Variants in DYNC1I1 observed in about 807,000 individuals in gnomAD.
DYNC1I1 encodes the protein dynein cytoplasmic 1 intermediate chain 1.
A neutral mutation model predicts 86.6 loss-of-function variants in DYNC1I1; 43 were observed. The observed-to-expected ratio is 0.50, with a 90% CI of 0.39 to 0.64. DYNC1I1 has a LOEUF of 0.64. DYNC1I1 is among the 30% of genes least tolerant of loss of function. The pLI is 0.00. For synonymous variants in DYNC1I1, 262 were observed against 283.7 expected (o/e 0.92, Z 0.77); for missense variants, 604 against 788.8 (o/e 0.77, Z 2.81).
intron 14 of DYNC1I1, among the ~76,000 whole-genome samples, chr7:96,075,746 C>A (rs1295987605): frequency 1.3e-5 from 2 of 152,128 alleles, no homozygotes; most frequent in Admixed American, 6.5e-5. Flanking sequence ...CGTTGCCGGG[C>A]GAGAATTCCG....
intron 10 of DYNC1I1, among the ~76,000 whole-genome samples, chr7:95,999,660 A>G (rs905901314): frequency 6.6e-6 from 1 of 152,128 alleles, no homozygotes; most frequent in Non-Finnish European, 1.5e-5. Flanking sequence ...GTGAAGAGTG[A>G]TGGTAACAGA....
intron 16 of DYNC1I1, among the ~76,000 whole-genome samples, chr7:96,105,974 A>T (rs1791208086): frequency 6.6e-6 from 1 of 152,208 alleles, no homozygotes. Flanking sequence ...CCTTTAATGT[A>T]CATAGAATCA....
intron 6 of DYNC1I1, among the ~76,000 whole-genome samples, chr7:95,891,857 G>T (rs1170449828): frequency 3.9e-5 from 6 of 152,086 alleles, no homozygotes; most frequent in African/African-American, 1.4e-4. Context: ...GTTCTGCCTG[G>T]TCTCTAGATG....
intron 5 of DYNC1I1, among the ~76,000 whole-genome samples, chr7:95,836,003 G>C (rs947080642): frequency 3.9e-5 from 6 of 152,116 alleles, no homozygotes; most frequent in African/African-American, 1.4e-4. Flanking sequence ...GTGTGAATTT[G>C]ATCCTGTCAT....
intron 6 of DYNC1I1, among the ~76,000 whole-genome samples, chr7:95,939,060 T>A (rs1213105176): frequency 6.6e-6 from 1 of 152,158 alleles, no homozygotes; most frequent in Non-Finnish European, 1.5e-5. Context: ...ATGCACCCAG[T>A]AGTCATTCAG....
chr7:96,019,484 A>T (rs529240460), intron 10 of DYNC1I1, among the ~76,000 whole-genome samples: 2 of 152,216 alleles, frequency 1.3e-5, no homozygotes, highest in African/African-American at 4.8e-5. Flanking sequence ...AGAAATTCTG[A>T]CTAAATTGGT....
intron 5 of DYNC1I1, among the ~76,000 whole-genome samples, chr7:95,850,503 T>C (rs1254101244): frequency 6.6e-6 from 1 of 151,642 alleles, no homozygotes; most frequent in Non-Finnish European, 1.5e-5. Flanking sequence ...CTCTCTTCTA[T>C]GTGGAGGATA....
chr7:95,929,797 A>G (rs1791844010), intron 6 of DYNC1I1, among the ~76,000 whole-genome samples: 1 of 152,194 alleles, frequency 6.6e-6, no homozygotes, highest in South Asian at 2.1e-4. Flanking sequence ...CTTTCATTTC[A>G]CATTATGTTT....
chr7:96,028,702 G>A (rs1475361948), intron 11 of DYNC1I1, among the ~76,000 whole-genome samples: 1 of 152,220 alleles, frequency 6.6e-6, no homozygotes, highest in Non-Finnish European at 1.5e-5. Context: ...ATCAAGGGAT[G>A]ATATATGGGA....
chr7:95,775,701 T>C (rs763788979), intron 1 of DYNC1I1, among the ~76,000 whole-genome samples: 1 of 152,226 alleles, frequency 6.6e-6, no homozygotes, highest in Non-Finnish European at 1.5e-5. Flanking sequence ...TTAATGAAAG[T>C]AGCTGTTATA....
chr7:96,103,289 A>G (rs1791163816), downstream of DYNC1I1, among the ~76,000 whole-genome samples: 1 of 152,122 alleles, frequency 6.6e-6, no homozygotes. Context: ...AAAGACAGTC[A>G]AGAGGGAAAG....
intron 8 of DYNC1I1, among the ~76,000 whole-genome samples, chr7:95,985,980 C>T (rs752286251): frequency 2.0e-5 from 3 of 150,342 alleles, no homozygotes; most frequent in Non-Finnish European, 4.4e-5. Flanking sequence ...TCCTATTTCC[C>T]TCTGTGTGCC....
chr7:95,855,277 C>T (rs1271163389), intron 5 of DYNC1I1, among the ~76,000 whole-genome samples: 1 of 152,154 alleles, frequency 6.6e-6, no homozygotes, highest in East Asian at 1.9e-4. Context: ...CCACTCTCTC[C>T]TGATCTGTAC....
At chr7:96,100,086 C>T (rs560121196), downstream of DYNC1I1, among the ~76,000 whole-genome samples, 1 of 152,174 alleles carries the variant, frequency 6.6e-6, no homozygotes, top group Non-Finnish European at 1.5e-5. Context: ...GGTTGAATGA[C>T]AGTTATGATG....
rs542381628 is a variant in DYNC1I1, at chr7:96,079,693, T to C, written c.1651-670T>C. 2.6e-5 allele frequency among the ~76,000 whole-genome samples: 4 copies of C among 152,260 alleles called. No individual in the cohort carries two copies. In the East Asian group the frequency reaches 5.8e-4, roughly 22 times the overall value. ...GCTGTATTCTATCACGATGTCACCC[T>C]GGAGACAGTGCCAAAGTTGTGGATC... is the stretch of plus-strand genomic sequence containing the variant. On this transcript the variant is annotated intron_variant, in intron 15 of 16. Transcript: ENST00000447467.
chr7:95,795,121 T>G (rs1794402875), intron 1 of DYNC1I1, among the ~76,000 whole-genome samples: 1 of 152,206 alleles, frequency 6.6e-6, no homozygotes, highest in African/African-American at 2.4e-5. Flanking sequence ...TGCCACCAGG[T>G]GGTGATACAG....
chr7:95,890,073 A>G (rs991777331), intron 6 of DYNC1I1, among the ~76,000 whole-genome samples: 2 of 152,206 alleles, frequency 1.3e-5, no homozygotes, highest in African/African-American at 2.4e-5. Context: ...CTACCATTCA[A>G]TCCCCTTACT....
intron 16 of DYNC1I1, among the ~76,000 whole-genome samples, chr7:96,088,018 A>C: frequency 6.6e-6 from 1 of 152,148 alleles, no homozygotes; most frequent in East Asian, 1.9e-4. Context: ...GAAAAGGCGC[A>C]ATTAATTCCA....
chr7:95,818,362 C>A, intron 4 of DYNC1I1: 2 of 438,960 alleles, frequency 4.6e-6, no homozygotes, highest in Non-Finnish European at 8.1e-6. Context: ...GCAGTGGTGG[C>A]ACAATCTTAG....
Sources: gnomAD v4.1 joint callset for allele counts (sites outside exome capture counted in the v4.1 genomes callset) on GRCh38, gnomAD v4.1.1 for gene constraint, MANE v1.5 for transcripts, NCBI Gene and HGNC (gene_info 2026-07-23, HGNC 2026-07-21) for gene names.